Variants in CREBBP observed in about 807,000 individuals in gnomAD.
CREBBP encodes the protein CREB binding lysine acetyltransferase, also known as CREB-binding protein.
CREBBP carries 19 observed loss-of-function variants against 265.0 expected under a neutral mutation model. The observed-to-expected ratio is 0.07, with a 90% CI of 0.05 to 0.11. CREBBP has a LOEUF of 0.11. CREBBP is among the 10% of genes least tolerant of loss of function. CREBBP has a pLI of 1.00. For missense variants in CREBBP, 2,525 were observed against 3,219.0 expected, an observed-to-expected ratio of 0.78 and a Z score of 5.22; for synonymous variants, 1,457 against 1,223.7, an observed-to-expected ratio of 1.19 and a Z score of -3.98.
At chr16:3,841,963 G>A (rs548024025) in intron 2 of CREBBP, among the ~76,000 whole-genome samples, 2 of 152,188 alleles carry the variant, frequency 1.3e-5, no homozygotes, top group African/African-American at 4.8e-5. Context: ...CTGCTTTATA[G>A]TATCTGACCA....
chr16:3,773,548 T>A (rs899888987), intron 13 of CREBBP: 2 of 609,834 alleles, frequency 3.3e-6, no homozygotes, highest in Non-Finnish European at 5.7e-6. Context: ...TGCATATAGT[T>A]AACCCAGAAA....
chr16:3,727,667 A>C lies in CREBBP; in HGVS notation c.*51T>G, dbSNP rs774794414. The stretch of plus-strand genomic sequence containing the variant: ...AAAGAACCTAGATGCCTGGATTTTC[A>C]GTACAAAAGGTCCAAGAACATGAAA... On this transcript the variant is annotated 3_prime_UTR_variant, in exon 31 of 31. Coordinates refer to ENST00000262367, the MANE Select transcript of CREBBP (RefSeq NM_004380.3). 7.4e-6 allele frequency: 12 copies of C among 1,613,412 alleles called. No homozygotes were observed. The highest frequency in any genetic ancestry group is 2.7e-5 in the African/African-American group (2 of 74,668).
chr16:3,851,108 C>T (rs190104323), intron 1 of CREBBP, 99 bp from the exon 2 acceptor site: 10 of 961,394 alleles, frequency 1.0e-5, no homozygotes, highest in East Asian at 7.6e-5. Context: ...GCATTCAGCA[C>T]GAACACTAGC....
chr16:3,759,796 C>A (rs895600025), intron 16 of CREBBP, among the ~76,000 whole-genome samples: 1 of 152,174 alleles, frequency 6.6e-6, no homozygotes, highest in Non-Finnish European at 1.5e-5. Context: ...ATTTCTCCAA[C>A]CCCTCAGACA....
intron 16 of CREBBP, among the ~76,000 whole-genome samples, chr16:3,763,651 A>T (rs1279147399): frequency 2.6e-5 from 4 of 151,852 alleles, no homozygotes; most frequent in Non-Finnish European, 5.9e-5. Flanking sequence ...TTTAGTAGAG[A>T]CGGGGTTTCG....
Position 3,832,526 on chromosome 16 carries a change from T to C in CREBBP, c.798+17771A>G, listed in dbSNP as rs548591917. Among the ~76,000 whole-genome samples, 6 of 152,350 alleles carry C rather than the reference T, an allele frequency of 3.9e-5. No individual in the cohort carries two copies. In the South Asian group the frequency reaches 6.2e-4, roughly 16 times the overall value. ...TGTACTTAAACAAACCTAGATGGTGTAGCCTACTACACACCTAGGCTGTAT... is the reference window on the plus strand; with the variant it reads ...TGTACTTAAACAAACCTAGATGGTGCAGCCTACTACACACCTAGGCTGTAT... On this transcript the variant is annotated intron_variant, in intron 2 of 30. Coordinates refer to ENST00000262367, the MANE Select transcript of CREBBP (RefSeq NM_004380.3).
chr16:3,874,264 G>A (rs1034067458), intron 1 of CREBBP, among the ~76,000 whole-genome samples: 1 of 152,222 alleles, frequency 6.6e-6, no homozygotes, highest in African/African-American at 2.4e-5. Context: ...TCCAAGACAG[G>A]AGACCCAAGC....
intron 14 of CREBBP, among the ~76,000 whole-genome samples, chr16:3,770,067 A>G (rs907882523): frequency 6.6e-6 from 1 of 152,172 alleles, no homozygotes; most frequent in African/African-American, 2.4e-5. Context: ...ACAAGGTTTC[A>G]CAACTTTGGC....
intron 2 of CREBBP, among the ~76,000 whole-genome samples, chr16:3,832,590 CTTG>C (rs889053137): frequency 2.0e-5 from 3 of 152,282 alleles, no homozygotes; most frequent in South Asian, 2.1e-4. Context: ...ACCTGTACAG[CTTG>C]TTACTGTGCT....
intron 4 of CREBBP, 22 bp downstream of exon 4, chr16:3,793,364 G>A (rs375213104): frequency 1.7e-5 from 28 of 1,613,506 alleles, no homozygotes; most frequent in Non-Finnish European, 1.9e-5. Flanking sequence ...CTACCACTAG[G>A]AGTTCCAAAA....
At position 3,879,957 on chromosome 16, in the gene CREBBP, G is replaced by C. The variant is rs566920210; in HGVS notation, c.-41C>G. 9 of 1,573,264 alleles carry C rather than the reference G, an allele frequency of 5.7e-6. No homozygotes were observed. The South Asian group carries it at 8.0e-5, about 14-fold the overall frequency. The stretch of plus-strand genomic sequence containing the variant: ...AAAACAGCCCCGGGCACGGGCGGCC[G>C]GGCCGGCGAGGGCCCGGACGGGGGT... On this transcript the variant is annotated 5_prime_UTR_variant, in exon 1 of 31. Transcript: ENST00000262367.
At chr16:3,879,745 A>G in intron 1 of CREBBP, 87 bp downstream of exon 1, 2 of 1,392,384 alleles carry the variant, frequency 1.4e-6, no homozygotes, top group Non-Finnish European at 2.0e-6. Context: ...CTCGATCGGT[A>G]TCCGCGACCA....
chr16:3,818,181 G>T (rs1015704843), intron 2 of CREBBP, among the ~76,000 whole-genome samples: 3 of 152,190 alleles, frequency 2.0e-5, no homozygotes, highest in African/African-American at 2.4e-5. Flanking sequence ...GTGACCAATG[G>T]GGGGCCGGGG....
Position 3,810,720 on chromosome 16 carries a change from C to T in CREBBP, c.858G>A (p.Gln286=), listed in dbSNP as rs2053922298. 1 of 1,613,972 alleles carries T rather than the reference C, an allele frequency of 6.2e-7. No homozygotes were observed. The highest frequency in any genetic ancestry group is 8.5e-7 in the Non-Finnish European group (1 of 1,180,026). The part of the protein sequence containing the change: ...FGQPFSQAGG[Q]PMGATGVNPQ... ...GGTTCACTCCAGTGGCTCCCATTGG[C>T]TGCCCTCCAGCTTGACTAAAGGGCT... is the stretch of plus-strand genomic sequence containing the variant. The change falls in exon 3 of 31, where the codon CAG becomes CAA. Residue 286 remains glutamine, a synonymous_variant. Coordinates refer to ENST00000262367, the MANE Select transcript of CREBBP (RefSeq NM_004380.3).
chr16:3,867,573 A>G (rs2055201758), intron 1 of CREBBP, among the ~76,000 whole-genome samples: 1 of 152,238 alleles, frequency 6.6e-6, no homozygotes, highest in Non-Finnish European at 1.5e-5. Flanking sequence ...TTATTTATCT[A>G]AATGCAGCAC....
rs768691614 is a variant in CREBBP, at chr16:3,731,479, G to A, written c.4891-6C>T. ...AGGTGGATCACGAAGAAGACCTGCA[G>A]GAGAGGAGGGGCTTTAGTCCCACAC... On this transcript the variant is annotated splice_polypyrimidine_tract_variant and splice_region_variant and intron_variant, in intron 29 of 30. Coordinates refer to ENST00000262367, the MANE Select transcript of CREBBP (RefSeq NM_004380.3). This position sits in a 1 kb window ranked among gnomAD's most constrained non-coding sequence, Gnocchi z 7.7. The A allele has an allele frequency of 5.7e-6, 9 of 1,577,130 alleles. No homozygotes were observed. The highest frequency in any genetic ancestry group is 6.9e-6 in the Non-Finnish European group (8 of 1,163,698).
chr16:3,877,831 C>G (rs1176067036), intron 1 of CREBBP, among the ~76,000 whole-genome samples: 1 of 152,204 alleles, frequency 6.6e-6, no homozygotes, highest in African/African-American at 2.4e-5. Context: ...TGTTGACTTT[C>G]TACTTTGGAT....
At chr16:3,768,643 T>C (rs2052923554) in intron 15 of CREBBP, among the ~76,000 whole-genome samples, 1 of 152,164 alleles carries the variant, frequency 6.6e-6, no homozygotes, top group African/African-American at 2.4e-5. Flanking sequence ...CCCACTACAG[T>C]TGGTGCTCAC....
chr16:3,815,646 A>G (rs2054023950), intron 2 of CREBBP, among the ~76,000 whole-genome samples: 2 of 151,686 alleles, frequency 1.3e-5, no homozygotes, highest in African/African-American at 2.4e-5. Flanking sequence ...AATCTTTTAA[A>G]AAGTTTTTTC....
Sources: gnomAD v4.1 joint callset for allele counts (sites outside exome capture counted in the v4.1 genomes callset) on GRCh38, gnomAD v4.1.1 for gene constraint, Gnocchi (gnomAD v3.1) non-coding constraint, MANE v1.5 for transcripts, NCBI Gene and HGNC (gene_info 2026-07-23, HGNC 2026-07-21) for gene names.